TM9SF2: variants seen among roughly 807,000 people sequenced by gnomAD.
TM9SF2 encodes 76 kDa membrane protein.
TM9SF2 carries 13 observed loss-of-function variants against 84.9 expected under a neutral mutation model. That is an observed-to-expected ratio of 0.15 (90% CI 0.10 to 0.24). The LOEUF (loss-of-function observed/expected upper bound fraction) is 0.24, where lower values mean the gene tolerates loss of function less well. TM9SF2 is among the 10% of genes least tolerant of loss of function. The pLI is 1.00. For synonymous variants in TM9SF2, 273 were observed against 285.8 expected, an observed-to-expected ratio of 0.96 and a Z score of 0.45; for missense variants, 562 against 818.5, an observed-to-expected ratio of 0.69 and a Z score of 3.82.
At chr13:99,517,807 A>G (rs2046141215) in intron 2 of TM9SF2, 126 bp downstream of exon 2, 2 of 483,368 alleles carry the variant, frequency 4.1e-6, no homozygotes, top group African/African-American at 2.0e-5. Context: ...GTACTCTTCC[A>G]AGGTGTGGTT....
At chr13:99,507,565 TAGG>T (rs1343132471) in intron 1 of TM9SF2, among the ~76,000 whole-genome samples, 3 of 152,162 alleles carry the variant, frequency 2.0e-5, no homozygotes, top group Non-Finnish European at 2.9e-5. Context: ...GGTAATTATC[TAGG>T]AGATCAGTTG....
chr13:99,508,833 A>T (rs956060819), intron 1 of TM9SF2, among the ~76,000 whole-genome samples: 1 of 152,122 alleles, frequency 6.6e-6, no homozygotes, highest in Non-Finnish European at 1.5e-5. Context: ...TTCATTAGAC[A>T]TCTACCCCCA....
intron 4 of TM9SF2, among the ~76,000 whole-genome samples, chr13:99,535,089 C>G (rs2046228197): frequency 6.6e-6 from 1 of 152,100 alleles, no homozygotes. Flanking sequence ...GAGGTTGAGG[C>G]TGCAGAAAGC....
Position 99,549,151 on chromosome 13 carries a change from G to T in TM9SF2, c.1271-14G>T. The T allele has an allele frequency of 6.2e-7, 1 of 1,607,612 alleles. No individual in the cohort carries two copies. Among genetic ancestry groups the T allele is most frequent in the Non-Finnish European group, 8.5e-7 (1 of 1,176,362 alleles). ...GAAAATCTGTATTTATACAACTTTT[G>T]TTTTCTTCTATAGCCTTTGGAGGTG... On this transcript the variant is annotated splice_polypyrimidine_tract_variant and intron_variant, in intron 11 of 16. Transcript: ENST00000376387.
intron 3 of TM9SF2, among the ~76,000 whole-genome samples, chr13:99,527,550 A>T (rs1002378731): frequency 6.6e-6 from 1 of 152,154 alleles, no homozygotes; most frequent in Non-Finnish European, 1.5e-5. Flanking sequence ...TCCCTCCCCC[A>T]ACACGTGGGG....
intron 3 of TM9SF2, among the ~76,000 whole-genome samples, chr13:99,525,998 T>C (rs4441123): frequency 0.011 from 1,642 of 152,288 alleles, 15 homozygotes; most frequent in South Asian, 0.045. Flanking sequence ...CCTAGTGTAC[T>C]GTTGGAGAGG....
At chr13:99,545,450 G>C (rs1177990210) in intron 10 of TM9SF2, among the ~76,000 whole-genome samples, 1 of 152,150 alleles carries the variant, frequency 6.6e-6, no homozygotes, top group Non-Finnish European at 1.5e-5. Flanking sequence ...GAATAGGTCA[G>C]GAAAAGGTGT....
chr13:99,528,842 G>T (rs1427264778), intron 3 of TM9SF2, among the ~76,000 whole-genome samples: 1 of 152,046 alleles, frequency 6.6e-6, no homozygotes, highest in Non-Finnish European at 1.5e-5. Flanking sequence ...CAAAAGAGTG[G>T]GCTGCTTAGA....
At chr13:99,542,196 G>A (rs2139099535) in intron 9 of TM9SF2, among the ~76,000 whole-genome samples, 1 of 151,958 alleles carries the variant, frequency 6.6e-6, no homozygotes, top group African/African-American at 2.4e-5. Flanking sequence ...AGCCTTGGGA[G>A]CTGACCTGTT....
intron 9 of TM9SF2, among the ~76,000 whole-genome samples, chr13:99,543,381 AT>A (rs1385508005): frequency 7.2e-5 from 11 of 152,206 alleles, no homozygotes; most frequent in African/African-American, 2.7e-4. Context: ...TCACTGTGGT[AT>A]CTGGTGTTTT....
chr13:99,550,678 A>C (rs1375161573), intron 12 of TM9SF2, among the ~76,000 whole-genome samples: 1 of 152,242 alleles, frequency 6.6e-6, no homozygotes, highest in African/African-American at 2.4e-5. Context: ...CAGGAAATCT[A>C]GTCATACAAT....
chr13:99,516,733 C>T (rs958468962), intron 1 of TM9SF2, among the ~76,000 whole-genome samples: 3 of 152,194 alleles, frequency 2.0e-5, no homozygotes, highest in African/African-American at 7.2e-5. Flanking sequence ...CTGCTACTAC[C>T]TTGTAGTTCA....
chr13:99,545,335 C>CTT (rs143295108), intron 10 of TM9SF2, among the ~76,000 whole-genome samples: 1 of 148,414 alleles, frequency 6.7e-6, no homozygotes, highest in Non-Finnish European at 1.5e-5. Flanking sequence ...ACTAGGATAT[C>CTT]TTTTTTTTTT....
chr13:99,563,892 C>G lies in TM9SF2; in HGVS notation c.*1134C>G, dbSNP rs1433125035. The G allele has an allele frequency of 1.3e-5, 2 of 152,134 alleles. No homozygotes were observed. Among genetic ancestry groups the G allele is most frequent in the Admixed American group, 6.5e-5 (1 of 15,276 alleles). The allele number at this position is 152,134 out of a possible 1,614,324, so 9.4% of individuals were successfully genotyped here. On this transcript the variant is annotated 3_prime_UTR_variant, in exon 17 of 17. Coordinates refer to ENST00000376387, the MANE Select transcript of TM9SF2 (RefSeq NM_004800.3). ...TAGAATATAGGAATGGGGGGTGATT[C>G]TGAAGTATCGGTCTGCTTGTATCTG...
intron 1 of TM9SF2, among the ~76,000 whole-genome samples, chr13:99,503,113 T>TA (rs1271778296): frequency 2.0e-5 from 3 of 149,858 alleles, no homozygotes; most frequent in Non-Finnish European, 4.5e-5. Context: ...GAAAGACTGT[T>TA]GTTGTGCTTC....
chr13:99,501,864 A>G (rs1228610127), intron 1 of TM9SF2, 87 bp downstream of exon 1: 1 of 1,521,146 alleles, frequency 6.6e-7, no homozygotes, highest in Non-Finnish European at 8.8e-7. Flanking sequence ...GGTGGGAGCG[A>G]GGGAAGGGGG....
rs1445830263 is a variant in TM9SF2 at position 99,529,343 on chromosome 13, T to G, written c.334-124T>G. 6 of 801,306 alleles carry G rather than the reference T, an allele frequency of 7.5e-6. No homozygotes were observed. The African/African-American group carries it at 8.9e-5, about 12-fold the overall frequency. The allele number at this position is 801,306 out of a possible 1,614,324, so 49.6% of individuals were successfully genotyped here. A position where few individuals can be genotyped will look rare whatever the true frequency, so the allele number is the denominator to read the frequency against. ...AGCTATGAGGAATTTAAAAATTTAT[T>G]TATTACCAATATTAATGCACTTAAG... is the stretch of plus-strand genomic sequence containing the variant. On this transcript the variant is annotated intron_variant, in intron 3 of 16. Transcript: ENST00000376387.
chr13:99,551,463 C>CT (rs2046305253), intron 12 of TM9SF2, among the ~76,000 whole-genome samples: 1 of 152,134 alleles, frequency 6.6e-6, no homozygotes, highest in Non-Finnish European at 1.5e-5. Context: ...ATGCACCAGG[C>CT]GTAACTACTG....
intron 6 of TM9SF2, 22 bp downstream of exon 6, chr13:99,537,885 A>G (rs2046241317): frequency 4.4e-6 from 7 of 1,593,478 alleles, no homozygotes; most frequent in Non-Finnish European, 8.5e-7. Context: ...AATGATAAAA[A>G]GTAAACAAGT....
Sources: allele counts gnomAD v4.1 joint callset (sites outside exome capture counted in the v4.1 genomes callset), GRCh38; gene constraint gnomAD v4.1.1; transcripts MANE v1.5; gene names NCBI Gene and HGNC (gene_info 2026-07-23, HGNC 2026-07-21).